The following CCDC178 variants were observed in gnomAD, a reference collection of about 807,000 sequenced individuals.
CCDC178 encodes coiled-coil domain containing 178.
In CCDC178, 126 loss-of-function variants were observed where a neutral mutation model predicts 117.4. The ratio of observed to expected loss-of-function variants is 1.07; its 90% confidence interval spans 0.93 to 1.24. The LOEUF (loss-of-function observed/expected upper bound fraction) is 1.24, where lower values mean the gene tolerates loss of function less well. Ranked by LOEUF, CCDC178 falls within the 50% of genes most tolerant of loss-of-function variation. The pLI, the probability that CCDC178 is intolerant of heterozygous loss-of-function variation, is 0.00. For synonymous variants in CCDC178, 283 were observed against 313.4 expected (o/e 0.90, Z 1.02); for missense variants, 1,030 against 986.9 (o/e 1.04, Z -0.59).
At chr18:33,161,461 G>A (rs1248953659) in intron 20 of CCDC178, among the ~76,000 whole-genome samples, 3 of 151,926 alleles carry the variant, frequency 2.0e-5, no homozygotes, top group Non-Finnish European at 4.4e-5. Flanking sequence ...TTTTTCTTAC[G>A]AGGCTAACAA....
chr18:33,032,023 A>G (rs1191013286), intron 21 of CCDC178, among the ~76,000 whole-genome samples: 1 of 152,176 alleles, frequency 6.6e-6, no homozygotes, highest in Non-Finnish European at 1.5e-5. Flanking sequence ...TTCTAATTAT[A>G]TAACTTTCAC....
intron 20 of CCDC178, among the ~76,000 whole-genome samples, chr18:33,210,686 G>T (rs996036467): frequency 3.3e-5 from 5 of 151,974 alleles, no homozygotes. Context: ...GTGCATTGGA[G>T]TCTAAGCTTC....
intron 20 of CCDC178, among the ~76,000 whole-genome samples, chr18:33,121,505 T>G (rs2144214078): frequency 6.6e-6 from 1 of 152,256 alleles, no homozygotes; most frequent in Non-Finnish European, 1.5e-5. Flanking sequence ...GATATAGACA[T>G]AGACATGGAT....
At chr18:33,403,644 TACTC>T (rs2144870229) in intron 3 of CCDC178, among the ~76,000 whole-genome samples, 1 of 152,318 alleles carries the variant, frequency 6.6e-6, no homozygotes, top group South Asian at 2.1e-4. Context: ...TGAACGGAAA[TACTC>T]AACAATTTTT....
chr18:32,958,023 T>G, intron 22 of CCDC178: 1 of 312,864 alleles, frequency 3.2e-6, no homozygotes, highest in Non-Finnish European at 5.9e-6. Flanking sequence ...ACATTCATTT[T>G]AATGGAAAGT....
At chr18:33,164,177 G>A (rs2058500229) in intron 20 of CCDC178, among the ~76,000 whole-genome samples, 5 of 143,286 alleles carry the variant, frequency 3.5e-5, no homozygotes, top group Admixed American at 2.8e-4. Flanking sequence ...GTGAGATCTC[G>A]GCTCACCACA....
At chr18:33,276,472 G>A (rs1310222914) in intron 12 of CCDC178, among the ~76,000 whole-genome samples, 1 of 152,026 alleles carries the variant, frequency 6.6e-6, no homozygotes, top group Non-Finnish European at 1.5e-5. Flanking sequence ...AAGCACTGAG[G>A]TTCTCAAATG....
intron 18 of CCDC178, among the ~76,000 whole-genome samples, chr18:33,222,154 C>T (rs560235858): frequency 4.5e-4 from 68 of 152,048 alleles, no homozygotes; most frequent in East Asian, 5.8e-4. Flanking sequence ...AGATTCTAGC[C>T]GTTTAACAAA....
chr18:33,380,555 T>A lies in CCDC178; in HGVS notation c.208+8985A>T, dbSNP rs578236594. 7.2e-4 allele frequency among the ~76,000 whole-genome samples: 110 copies of A among 152,178 alleles called. 1 individual carries two copies. The highest frequency in any genetic ancestry group is 1.3e-3 in the Non-Finnish European group (87 of 68,024). On this transcript the variant is annotated intron_variant, in intron 5 of 22. Transcript: ENST00000383096. ...CTTGGGGGAAACAAAGTGTGCTCCT[T>A]CAGCCTGGGTTGCTCAGATCCCTAG...
chr18:33,279,780 C>A (rs1289159592), intron 12 of CCDC178, among the ~76,000 whole-genome samples: 1 of 152,002 alleles, frequency 6.6e-6, no homozygotes, highest in South Asian at 2.1e-4. Flanking sequence ...CAGAACAGAG[C>A]CCTCAGAAAT....
At chr18:33,195,001 T>A (rs2058911849) in intron 20 of CCDC178, among the ~76,000 whole-genome samples, 1 of 136,504 alleles carries the variant, frequency 7.3e-6, no homozygotes, top group Admixed American at 7.5e-5. Context: ...CACCTGTAAG[T>A]CCCAACTACT....
chr18:33,397,643 T>C (rs1471043315), intron 3 of CCDC178, among the ~76,000 whole-genome samples: 2 of 151,966 alleles, frequency 1.3e-5, no homozygotes, highest in African/African-American at 4.8e-5. Context: ...ATACAATACA[T>C]GAAGAAAGAT....
At chr18:33,245,187 A>G (rs2059533906) in intron 15 of CCDC178, 58 bp downstream of exon 15, 1 of 1,378,314 alleles carries the variant, frequency 7.3e-7, no homozygotes, top group Non-Finnish European at 9.6e-7. Flanking sequence ...AATCGATACA[A>G]TTCAGGTAAA....
intron 21 of CCDC178, among the ~76,000 whole-genome samples, chr18:33,089,594 T>G (rs1421082708): frequency 6.6e-6 from 1 of 152,184 alleles, no homozygotes; most frequent in African/African-American, 2.4e-5. Context: ...TACAAATGGC[T>G]AATTATATAA....
At chr18:32,995,832 A>G (rs957337751) in intron 21 of CCDC178, among the ~76,000 whole-genome samples, 2 of 152,012 alleles carry the variant, frequency 1.3e-5, no homozygotes, top group African/African-American at 4.8e-5. Flanking sequence ...GAAAGATGCT[A>G]TAGGAGAATA....
At chr18:32,946,317 G>C (rs1321678083) in intron 22 of CCDC178, among the ~76,000 whole-genome samples, 3 of 152,132 alleles carry the variant, frequency 2.0e-5, no homozygotes, top group Non-Finnish European at 1.5e-5. Flanking sequence ...GAATTTTACT[G>C]TTATGTCAGT....
chr18:33,436,838 C>T (rs2064298819), intron 2 of CCDC178, among the ~76,000 whole-genome samples: 1 of 152,186 alleles, frequency 6.6e-6, no homozygotes, highest in Non-Finnish European at 1.5e-5. Context: ...ATTTGGGTCT[C>T]CTGCTACAGA....
At chr18:33,260,513 T>C (rs921154484) in intron 14 of CCDC178, among the ~76,000 whole-genome samples, 1 of 151,430 alleles carries the variant, frequency 6.6e-6, no homozygotes, top group Admixed American at 6.6e-5. Flanking sequence ...ATTTTTTTGG[T>C]TTATCAATTT....
chr18:33,030,625 T>C (rs1282890154), intron 21 of CCDC178, among the ~76,000 whole-genome samples: 1 of 151,548 alleles, frequency 6.6e-6, no homozygotes, highest in East Asian at 2.0e-4. Flanking sequence ...TCACATGAGA[T>C]AGATGATAGA....
Sources: gnomAD v4.1 joint callset for allele counts (sites outside exome capture counted in the v4.1 genomes callset) on GRCh38, gnomAD v4.1.1 for gene constraint, MANE v1.5 for transcripts, NCBI Gene and HGNC (gene_info 2026-07-23, HGNC 2026-07-21) for gene names.